CCDC88A: variants seen among roughly 807,000 people sequenced by gnomAD.
CCDC88A encodes the protein girdin.
Under a neutral mutation model 234.3 loss-of-function variants are expected in CCDC88A, and 54 were observed. That is an observed-to-expected ratio of 0.23 (90% confidence interval 0.19 to 0.29). CCDC88A has a LOEUF of 0.29. CCDC88A is among the 10% of genes least tolerant of loss of function. The pLI is 1.00. For synonymous variants in CCDC88A, 753 were observed against 737.8 expected (o/e 1.02, Z -0.33); for missense variants, 1,832 against 2,123.4 (o/e 0.86, Z 2.70).
intron 2 of CCDC88A, chr2:55,417,468 T>TA (rs1681686172): frequency 6.6e-6 from 1 of 151,998 alleles, no homozygotes; most frequent in Non-Finnish European, 1.5e-5. Context: ...ATTTTGAGGA[T>TA]AAAAAATAAT....
chr2:55,336,039 A>G (rs1419448944), intron 14 of CCDC88A, among the ~76,000 whole-genome samples: 1 of 150,434 alleles, frequency 6.6e-6, no homozygotes. Flanking sequence ...CCAAAAAATA[A>G]AAAAAAAAAT....
At chr2:55,391,520 T>A (rs1676641364) in intron 2 of CCDC88A, among the ~76,000 whole-genome samples, 1 of 152,176 alleles carries the variant, frequency 6.6e-6, no homozygotes, top group South Asian at 2.1e-4. Flanking sequence ...GACTTTCTAC[T>A]AAAGGATTTA....
chr2:55,301,641 T>C (rs759257697), intron 27 of CCDC88A: 33 of 568,444 alleles, frequency 5.8e-5, no homozygotes, highest in Non-Finnish European at 9.3e-5. Context: ...TCTCGTTTTC[T>C]TGTTAATTCA....
At chr2:55,387,923 C>A (rs986025758) in intron 3 of CCDC88A, among the ~76,000 whole-genome samples, 1 of 151,342 alleles carries the variant, frequency 6.6e-6, no homozygotes, top group African/African-American at 2.4e-5. Flanking sequence ...GTCTATAAGA[C>A]AAAATTTGAT....
intron 8 of CCDC88A, among the ~76,000 whole-genome samples, chr2:55,352,514 A>C (rs931782243): frequency 2.0e-5 from 3 of 152,152 alleles, no homozygotes; most frequent in Non-Finnish European, 2.9e-5. Context: ...TATGAAAAAA[A>C]CCACTGAATT....
chr2:55,401,804 G>GA (rs1481054207), intron 2 of CCDC88A, among the ~76,000 whole-genome samples: 1 of 151,796 alleles, frequency 6.6e-6, no homozygotes, highest in African/African-American at 2.4e-5. Context: ...TCGAAAGTTG[G>GA]AAAATCTATG....
intron 4 of CCDC88A, 52 bp from the exon 5 acceptor site, chr2:55,372,562 AT>A: frequency 1.2e-6 from 1 of 868,906 alleles, no homozygotes; most frequent in Non-Finnish European, 1.9e-6. Context: ...TTTCAACTCT[AT>A]TATATTTGGA....
Position 55,301,674 on chromosome 2 carries a change from G to A in CCDC88A, c.4672+198C>T, listed in dbSNP as rs182611247. On this transcript the variant is annotated intron_variant, in intron 27 of 32. Coordinates refer to ENST00000436346, the MANE Select transcript of CCDC88A (RefSeq NM_001365480.1). ...TCATTAGCTGTTTATTATGAAAGGAGGCCTGGAAAAGATTTTAGTTATTTG... is the reference window on the plus strand; with the variant it reads ...TCATTAGCTGTTTATTATGAAAGGAAGCCTGGAAAAGATTTTAGTTATTTG... The A allele has an allele frequency of 4.8e-5, 28 of 588,120 alleles. No individual in the cohort carries two copies. The East Asian group carries it at 7.3e-4, about 15-fold the overall frequency. 36.4% of individuals were successfully genotyped at this position (588,120 alleles called of 1,614,324 possible). A position where few individuals can be genotyped will look rare whatever the true frequency, so the allele number is the denominator to read the frequency against.
At chr2:55,357,173 C>A (rs1204966269) in intron 7 of CCDC88A, among the ~76,000 whole-genome samples, 1 of 152,156 alleles carries the variant, frequency 6.6e-6, no homozygotes, top group African/African-American at 2.4e-5. Context: ...TTGATTTCTC[C>A]ATAATCACAC....
chr2:55,319,350 C>T (rs1452417673), intron 18 of CCDC88A, among the ~76,000 whole-genome samples: 1 of 152,092 alleles, frequency 6.6e-6, no homozygotes, highest in African/African-American at 2.4e-5. Context: ...CTTGAAGGTT[C>T]CCAGAATGCC....
At chr2:55,331,041 G>T (rs1684853410) in intron 16 of CCDC88A, among the ~76,000 whole-genome samples, 1 of 152,174 alleles carries the variant, frequency 6.6e-6, no homozygotes, top group Non-Finnish European at 1.5e-5. Context: ...ATGAATTAAG[G>T]TTTGGGAAGA....
intron 3 of CCDC88A, among the ~76,000 whole-genome samples, chr2:55,388,373 T>C (rs1676052357): frequency 6.6e-6 from 1 of 152,140 alleles, no homozygotes; most frequent in Non-Finnish European, 1.5e-5. Context: ...TATAGCAATT[T>C]TGAGAGGTAT....
intron 2 of CCDC88A, among the ~76,000 whole-genome samples, chr2:55,397,992 T>C (rs1401341561): frequency 2.6e-5 from 4 of 152,194 alleles, no homozygotes; most frequent in East Asian, 1.9e-4. Context: ...ATATCAGATG[T>C]AATTTTAGAA....
At chr2:55,401,164 TC>T (rs1678543288) in intron 2 of CCDC88A, among the ~76,000 whole-genome samples, 1 of 151,624 alleles carries the variant, frequency 6.6e-6, no homozygotes, top group Admixed American at 6.6e-5. Context: ...GGGAGGTGGC[TC>T]ATACCCATAA....
chr2:55,305,442 G>T (rs1244035825), intron 25 of CCDC88A, among the ~76,000 whole-genome samples: 1 of 152,192 alleles, frequency 6.6e-6, no homozygotes, highest in African/African-American at 2.4e-5. Flanking sequence ...TCTTATTCTG[G>T]ATGTTTCAGC....
chr2:55,302,784 TA>T, intron 26 of CCDC88A: 1 of 215,774 alleles, frequency 4.6e-6, no homozygotes, highest in East Asian at 9.6e-5. Flanking sequence ...CTATGGCATA[TA>T]AAATAAAGGG....
In CCDC88A at chr2:55,297,347, T is replaced by TTATATATAAATATATATAA. The variant is rs1167904874; in HGVS notation, c.4826-843_4826-825dup. Reference sequence around the variant, plus strand: ...AATATATAATATATAAATTTATATATTATATATAAATATATATAATATATA... The same window carrying TTATATATAAATATATATAA: ...AATATATAATATATAAATTTATATATTATATATAAATATATATAATATATATAAATATATATAATATATA... On this transcript the variant is annotated intron_variant, in intron 29 of 32. Transcript: ENST00000436346. Among the ~76,000 whole-genome samples, 105 of 105,790 alleles carry TTATATATAAATATATATAA rather than the reference T, an allele frequency of 9.9e-4. 2 individuals are homozygous for TTATATATAAATATATATAA. The highest frequency in any genetic ancestry group is 1.3e-3 in the Non-Finnish European group (75 of 58,106). The allele number at this position is 105,790 out of a possible 152,430, so 69.4% of individuals were successfully genotyped here.
At chr2:55,305,880 T>A (rs1427281825) in intron 25 of CCDC88A, among the ~76,000 whole-genome samples, 6 of 149,990 alleles carry the variant, frequency 4.0e-5, no homozygotes, top group African/African-American at 9.8e-5. Context: ...AAACTTCCTT[T>A]AAAAAAAAAA....
chr2:55,340,639 C>T (rs1030523233), intron 12 of CCDC88A, among the ~76,000 whole-genome samples: 5 of 151,912 alleles, frequency 3.3e-5, no homozygotes, highest in African/African-American at 7.3e-5. Context: ...AACTAATGAA[C>T]GATTAAATGA....
Sources: gnomAD v4.1 joint callset for allele counts (sites outside exome capture counted in the v4.1 genomes callset) on GRCh38, gnomAD v4.1.1 for gene constraint, MANE v1.5 for transcripts, NCBI Gene and HGNC (gene_info 2026-07-23, HGNC 2026-07-21) for gene names.